SHANK2: variants seen among roughly 807,000 people sequenced by gnomAD.
SHANK2 encodes the protein SH3 and multiple ankyrin repeat domains protein 2.
A neutral mutation model predicts 133.7 loss-of-function variants in SHANK2; 43 were observed. The ratio of observed to expected loss-of-function variants is 0.32; its 90% CI spans 0.25 to 0.41. The LOEUF (loss-of-function observed/expected upper bound fraction) is 0.41, where lower values mean the gene tolerates loss of function less well. Ranked by LOEUF, SHANK2 falls within the 10% of genes least tolerant of loss-of-function variation. The pLI is 1.00. For synonymous variants in SHANK2, 1,017 were observed against 952.8 expected (o/e 1.07, Z -1.24); for missense variants, 1,994 against 2,235.8 (o/e 0.89, Z 2.18).
chr11:71,085,522 T>C (rs1222044371), intron 8 of SHANK2, among the ~76,000 whole-genome samples: 11 of 108,978 alleles, frequency 1.0e-4, no homozygotes, highest in African/African-American at 3.9e-4. Context: ...TTATATATGC[T>C]ATATATTATA....
chr11:70,834,256 C>T (rs569877913), intron 11 of SHANK2, among the ~76,000 whole-genome samples: 33 of 151,940 alleles, frequency 2.2e-4, no homozygotes, highest in African/African-American at 8.0e-4. Context: ...TGGTCCCACC[C>T]CATATTTCAG....
At chr11:70,622,776 G>A (rs1299664892) in intron 17 of SHANK2, among the ~76,000 whole-genome samples, 1 of 151,982 alleles carries the variant, frequency 6.6e-6, no homozygotes, top group Non-Finnish European at 1.5e-5. Context: ...ACCCCCTACT[G>A]TCTCCAATCC....
chr11:71,064,699 G>A (rs1363907050), intron 9 of SHANK2, among the ~76,000 whole-genome samples: 1 of 152,036 alleles, frequency 6.6e-6, no homozygotes, highest in African/African-American at 2.4e-5. Context: ...AGGGGTAGAC[G>A]GGCCCAGAGA....
chr11:70,875,247 C>G (rs913487545), intron 11 of SHANK2, among the ~76,000 whole-genome samples: 1 of 152,026 alleles, frequency 6.6e-6, no homozygotes, highest in African/African-American at 2.4e-5. Flanking sequence ...CCTCCTGTTG[C>G]GTGTACCTGG....
At chr11:70,614,269 T>C (rs570820072) in intron 17 of SHANK2, among the ~76,000 whole-genome samples, 1 of 151,438 alleles carries the variant, frequency 6.6e-6, no homozygotes, top group African/African-American at 2.4e-5. Flanking sequence ...CAGCATCCAA[T>C]GACACAGTAA....
In SHANK2 at chr11:70,820,366, G is replaced by A. The variant is rs1297667545; in HGVS notation, c.1491C>T (p.Val497=). ...CCTTGGCGTCTGCCACTCCTTACCC[G>A]ACATGCCAGAGAGGCTGCGGCCTCT... is the stretch of plus-strand genomic sequence containing the variant. ...DGKRPQPLWH[V]GSPFALGANK... Residue 497 remains valine, a splice_region_variant and synonymous_variant, in exon 12 of 26, where the codon GTC becomes GTT. Coordinates refer to ENST00000601538, the MANE Select transcript of SHANK2 (RefSeq NM_012309.5). The A allele has an allele frequency of 2.1e-5, 13 of 629,672 alleles. No individual in the cohort carries two copies. In the Admixed American group the frequency reaches 2.9e-4, roughly 14 times the overall value. 39.0% of individuals were successfully genotyped at this position (629,672 alleles called of 1,614,324 possible).
intron 11 of SHANK2, among the ~76,000 whole-genome samples, chr11:70,877,431 C>A (rs1156844491): frequency 6.6e-6 from 1 of 151,602 alleles, no homozygotes; most frequent in Non-Finnish European, 1.5e-5. Flanking sequence ...TGGCAGAACA[C>A]CCTTCCCCTG....
intron 14 of SHANK2, among the ~76,000 whole-genome samples, chr11:70,794,802 C>G (rs987792067): frequency 6.6e-6 from 1 of 152,104 alleles, no homozygotes; most frequent in African/African-American, 2.4e-5. Flanking sequence ...GTGATTCACC[C>G]GCCTTGGCCT....
chr11:70,589,741 G>A (rs191163756), intron 17 of SHANK2, among the ~76,000 whole-genome samples: 2 of 152,344 alleles, frequency 1.3e-5, no homozygotes, highest in African/African-American at 4.8e-5. Context: ...GAGGAGGCCA[G>A]TATGTCAACA....
Position 71,148,586 on chromosome 11 carries a change from G to A in SHANK2, c.-12-1248C>T, listed in dbSNP as rs139071835. Among the ~76,000 whole-genome samples the A allele has an allele frequency of 1.1e-4, 17 of 152,318 alleles. No homozygotes were observed. The East Asian group carries it at 2.7e-3, about 24-fold the overall frequency. Reference sequence around the variant, plus strand: ...TTCCACTTCTGGGTGCGTTCTGTGGGGAAGGACGAGGCCACGTGCATATGG... The same window carrying A: ...TTCCACTTCTGGGTGCGTTCTGTGGAGAAGGACGAGGCCACGTGCATATGG... On this transcript the variant is annotated intron_variant, in intron 2 of 25. Coordinates refer to ENST00000601538, the MANE Select transcript of SHANK2 (RefSeq NM_012309.5).
intron 14 of SHANK2, among the ~76,000 whole-genome samples, chr11:70,781,897 T>C (rs1481363758): frequency 6.6e-6 from 1 of 151,254 alleles, no homozygotes; most frequent in African/African-American, 2.4e-5. Context: ...GTTAAGAAAA[T>C]GTGGCACATG....
chr11:70,771,830 A>G (rs1436188682), intron 14 of SHANK2, among the ~76,000 whole-genome samples: 2 of 152,180 alleles, frequency 1.3e-5, no homozygotes, highest in East Asian at 3.9e-4. Context: ...CCCCGTTCCC[A>G]GTTGAGCTGC....
intron 14 of SHANK2, among the ~76,000 whole-genome samples, chr11:70,781,558 T>TATATATATATATATATATA (rs1555045157): frequency 1.0e-4 from 3 of 28,968 alleles, no homozygotes; most frequent in Non-Finnish European, 2.0e-4. Flanking sequence ...TACTTACTTA[T>TATATATATATATATATATA]TATATATATA....
chr11:70,749,380 G>C (rs1946710749), intron 14 of SHANK2, among the ~76,000 whole-genome samples: 1 of 152,220 alleles, frequency 6.6e-6, no homozygotes, highest in African/African-American at 2.4e-5. Flanking sequence ...ACCACTGAAG[G>C]CAAGATGGAG....
rs960689410 is a variant in SHANK2 at position 70,710,271 on chromosome 11, C to T, written c.1778-11508G>A. Among the ~76,000 whole-genome samples the T allele has an allele frequency of 3.3e-5, 5 of 152,200 alleles. No homozygotes were observed. The East Asian group carries it at 7.7e-4, about 23-fold the overall frequency. On this transcript the variant is annotated intron_variant, in intron 14 of 25. Transcript: ENST00000601538. ...CTCTTCACAACGGCCTAAGAGCTGC[C>T]GCACGACAAGTGACCAGGCTCTGAA... is the stretch of plus-strand genomic sequence containing the variant.
chr11:70,611,558 A>G (rs782384993), intron 17 of SHANK2, among the ~76,000 whole-genome samples: 26 of 152,252 alleles, frequency 1.7e-4, no homozygotes, highest in Admixed American at 5.2e-4. Flanking sequence ...ACAGAGTGAC[A>G]TGGGACAGAA....
intron 15 of SHANK2, among the ~76,000 whole-genome samples, chr11:70,687,596 AG>A (rs1287515569): frequency 4.8e-4 from 2 of 4,164 alleles, no homozygotes; most frequent in African/African-American, 1.9e-3. Flanking sequence ...GTGTGGGGGT[AG>A]GGGGGTGGGC....
At chr11:70,946,539 C>T (rs1192552226) in intron 10 of SHANK2, among the ~76,000 whole-genome samples, 6 of 148,088 alleles carry the variant, frequency 4.1e-5, no homozygotes, top group Admixed American at 4.0e-4. Context: ...TCTCCACTAA[C>T]CAACTCTTCC....
At chr11:71,201,039 C>T (rs1047912616) in intron 2 of SHANK2, among the ~76,000 whole-genome samples, 18 of 152,138 alleles carry the variant, frequency 1.2e-4, no homozygotes, top group Non-Finnish European at 2.4e-4. Context: ...GCCCCCACAC[C>T]GACCTCCCCC....
Sources: gnomAD v4.1 joint callset for allele counts (sites outside exome capture counted in the v4.1 genomes callset) on GRCh38, gnomAD v4.1.1 for gene constraint, MANE v1.5 for transcripts, NCBI Gene and HGNC (gene_info 2026-07-23, HGNC 2026-07-21) for gene names.